PIK3CB: variants seen among roughly 807,000 people sequenced by gnomAD.
PIK3CB encodes the protein phosphatidylinositol 4,5-bisphosphate 3-kinase catalytic subunit beta isoform.
Under a neutral mutation model 136.8 loss-of-function variants are expected in PIK3CB, and 39 were observed. The observed-to-expected ratio is 0.29, with a 90% CI of 0.22 to 0.37. The LOEUF is 0.37. Among genes scored for constraint, PIK3CB ranks in the 10% least tolerant of loss-of-function variants. PIK3CB has a pLI of 1.00. For missense variants in PIK3CB, 868 were observed against 1,275.4 expected, an observed-to-expected ratio of 0.68 and a Z score of 4.87; for synonymous variants, 428 against 436.6, an observed-to-expected ratio of 0.98 and a Z score of 0.25.
chr3:138,672,061 A>G (rs940015730), intron 19 of PIK3CB, among the ~76,000 whole-genome samples: 32 of 152,056 alleles, frequency 2.1e-4, no homozygotes, highest in African/African-American at 7.5e-4. Context: ...GGCAAAAAGG[A>G]AAAAAAAGGA....
At chr3:138,670,067 C>G (rs187035069) in intron 19 of PIK3CB, among the ~76,000 whole-genome samples, 8 of 152,222 alleles carry the variant, frequency 5.3e-5, no homozygotes, top group Non-Finnish European at 1.2e-4. Context: ...TTTTTCTTCG[C>G]ACAATGCTTC....
chr3:138,814,585 A>C (rs1933212660), intron 1 of PIK3CB, among the ~76,000 whole-genome samples: 1 of 151,554 alleles, frequency 6.6e-6, no homozygotes, highest in Admixed American at 6.6e-5. Flanking sequence ...TCTTCCCTTT[A>C]CTTTTTCTAG....
At chr3:138,707,463 T>C (rs977044122) in intron 10 of PIK3CB, 174 bp from the exon 11 acceptor site, 5 of 1,353,760 alleles carry the variant, frequency 3.7e-6, no homozygotes, top group Non-Finnish European at 4.7e-6. Context: ...TGGAACAAAA[T>C]TTCAGTGTGA....
At position 138,736,570 on chromosome 3, in the gene PIK3CB, A is replaced by C. The variant is rs527757854; in HGVS notation, c.801+1137T>G. 1.1e-3 allele frequency among the ~76,000 whole-genome samples: 172 copies of C among 152,288 alleles called. 1 individual carries two copies. The highest frequency in any genetic ancestry group is 4.1e-3 in the African/African-American group (169 of 41,564). ...TAGTCTCCAAGATATTTCAACAAAA[A>C]CATCTTCAAGTTACTTGAAGGCAAA... On this transcript the variant is annotated intron_variant, in intron 6 of 23. Transcript: ENST00000674063.
At position 138,822,299 on chromosome 3, in the gene PIK3CB, C is replaced by T. The variant is rs151193019; in HGVS notation, c.-122+12396G>A. Among the ~76,000 whole-genome samples, 1,305 of 151,540 alleles carry T rather than the reference C, an allele frequency of 8.6e-3. 26 individuals carry two copies. Among genetic ancestry groups the T allele is most frequent in the African/African-American group, 0.029 (1,182 of 41,294 alleles). ...CTATAATCCCAGCACTTTGGGAGGC[C>T]GAGGCAGGCAGATCACAAGGTCAGG... On this transcript the variant is annotated intron_variant, in intron 1 of 23. Transcript: ENST00000674063.
chr3:138,732,643 T>C (rs1001594372), intron 8 of PIK3CB, among the ~76,000 whole-genome samples: 1 of 150,176 alleles, frequency 6.7e-6, no homozygotes, highest in Non-Finnish European at 1.5e-5. Flanking sequence ...CAACTTGTGG[T>C]CCATAACGTA....
chr3:138,831,712 G>C (rs1934045855), intron 1 of PIK3CB, among the ~76,000 whole-genome samples: 1 of 152,190 alleles, frequency 6.6e-6, no homozygotes, highest in Non-Finnish European at 1.5e-5. Context: ...GGAACACGAG[G>C]TCAAAAGACT....
intron 1 of PIK3CB, among the ~76,000 whole-genome samples, chr3:138,811,540 C>G (rs1933059636): frequency 1.3e-5 from 2 of 151,634 alleles, no homozygotes; most frequent in South Asian, 4.2e-4. Flanking sequence ...ATTCTCCTGC[C>G]TCAGCCTCCT....
In PIK3CB at chr3:138,796,475, G is replaced by C. The variant is rs1057258327; in HGVS notation, c.-29C>G. The C allele has an allele frequency of 6.6e-6, 1 of 150,636 alleles. No homozygotes were observed. Among genetic ancestry groups the C allele is most frequent in the Non-Finnish European group, 1.5e-5 (1 of 67,774 alleles). 9.3% of individuals were successfully genotyped at this position (150,636 alleles called of 1,614,324 possible). ...ATTGGATACTTACCTAAGAATGGTC[G>C]CCCCCATTTCAGTCTTTTAGGAAAA... On this transcript the variant is annotated 5_prime_UTR_variant, in exon 2 of 24. Transcript: ENST00000674063.
At chr3:138,693,429 C>G (rs1467735556) in intron 14 of PIK3CB, among the ~76,000 whole-genome samples, 1 of 151,898 alleles carries the variant, frequency 6.6e-6, no homozygotes, top group Non-Finnish European at 1.5e-5. Context: ...GACGGAGTCT[C>G]GCTCTGTCAA....
chr3:138,719,349 G>C (rs768463190), intron 8 of PIK3CB, among the ~76,000 whole-genome samples: 3 of 143,090 alleles, frequency 2.1e-5, no homozygotes, highest in Admixed American at 7.5e-5. Context: ...GGGTTCAAGT[G>C]ATCCTCCCAC....
chr3:138,814,807 G>A (rs1402741912), intron 1 of PIK3CB, among the ~76,000 whole-genome samples: 1 of 152,010 alleles, frequency 6.6e-6, no homozygotes, highest in African/African-American at 2.4e-5. Flanking sequence ...TTCTAGCCCA[G>A]CCTGGGCAAC....
At chr3:138,733,231 A>G in intron 8 of PIK3CB, 130 bp downstream of exon 8, 1 of 441,110 alleles carries the variant, frequency 2.3e-6, no homozygotes, top group Non-Finnish European at 4.1e-6. Flanking sequence ...ATAATAAATT[A>G]CCATATTCTA....
At chr3:138,831,549 C>T (rs1418620889) in intron 1 of PIK3CB, among the ~76,000 whole-genome samples, 4 of 151,826 alleles carry the variant, frequency 2.6e-5, no homozygotes, top group Admixed American at 2.6e-4. Flanking sequence ...TTGCACATTG[C>T]ACTCCAGCCT....
At chr3:138,828,590 A>G (rs925396654) in intron 1 of PIK3CB, among the ~76,000 whole-genome samples, 1 of 152,066 alleles carries the variant, frequency 6.6e-6, no homozygotes, top group Non-Finnish European at 1.5e-5. Context: ...GAAAAAGACC[A>G]TAAATAAATG....
intron 8 of PIK3CB, 141 bp from the exon 9 acceptor site, chr3:138,714,860 T>C (rs2044576138): frequency 1.3e-6 from 1 of 759,434 alleles, no homozygotes; most frequent in Non-Finnish European, 2.0e-6. Flanking sequence ...AGAAGAAACA[T>C]GCCAAGTTTT....
intron 4 of PIK3CB, among the ~76,000 whole-genome samples, chr3:138,750,184 GAT>G (rs2045441578): frequency 6.6e-6 from 1 of 152,076 alleles, no homozygotes; most frequent in Admixed American, 6.6e-5. Context: ...CGGCCAATGT[GAT>G]GTTTTGACAC....
intron 1 of PIK3CB, among the ~76,000 whole-genome samples, chr3:138,834,170 T>C (rs1203973156): frequency 6.6e-6 from 1 of 152,242 alleles, no homozygotes; most frequent in African/African-American, 2.4e-5. Flanking sequence ...TATGTATTAT[T>C]ATTTCCATTT....
intron 2 of PIK3CB, among the ~76,000 whole-genome samples, chr3:138,778,985 C>T (rs1013335688): frequency 1.5e-4 from 23 of 150,044 alleles, no homozygotes; most frequent in Non-Finnish European, 2.8e-4. Context: ...CTTTGTAGTG[C>T]ACCATCAATA....
Sources: allele counts gnomAD v4.1 joint callset (sites outside exome capture counted in the v4.1 genomes callset), GRCh38; gene constraint gnomAD v4.1.1; transcripts MANE v1.5; gene names NCBI Gene and HGNC (gene_info 2026-07-23, HGNC 2026-07-21).